Variants in LRBA observed in about 807,000 individuals in gnomAD.
LRBA encodes LPS responsive beige-like anchor protein.
A neutral mutation model predicts 330.0 loss-of-function variants in LRBA; 176 were observed. The observed-to-expected ratio is 0.53, with a 90% CI of 0.47 to 0.60. LRBA has a LOEUF of 0.60. Ranked by LOEUF, LRBA falls within the 20% of genes least tolerant of loss-of-function variation. The pLI is 0.00. For missense variants in LRBA, 3,259 were observed against 3,444.8 expected, an observed-to-expected ratio of 0.95 and a Z score of 1.35; for synonymous variants, 1,230 against 1,193.0, an observed-to-expected ratio of 1.03 and a Z score of -0.64.
chr4:150,445,454 G>A (rs1752513485), intron 44 of LRBA, among the ~76,000 whole-genome samples: 1 of 134,056 alleles, frequency 7.5e-6, no homozygotes, highest in African/African-American at 2.8e-5. Flanking sequence ...TTTGCTCAAC[G>A]CTGAGTTGGG....
chr4:150,837,487 G>C (rs1748307475), intron 28 of LRBA, among the ~76,000 whole-genome samples: 1 of 152,088 alleles, frequency 6.6e-6, no homozygotes, highest in Non-Finnish European at 1.5e-5. Context: ...TCCTGTATTG[G>C]GTGCATATAT....
chr4:150,524,022 G>A (rs1247898583), intron 40 of LRBA, among the ~76,000 whole-genome samples: 2 of 152,272 alleles, frequency 1.3e-5, no homozygotes, highest in South Asian at 4.2e-4. Context: ...TTACTTTAGA[G>A]AATAATGAAG....
At chr4:150,550,420 T>TAA (rs1442658325) in intron 40 of LRBA, among the ~76,000 whole-genome samples, 3 of 152,166 alleles carry the variant, frequency 2.0e-5, no homozygotes, top group Non-Finnish European at 4.4e-5. Flanking sequence ...GCAAGTATCT[T>TAA]AAAAATGATT....
At chr4:150,561,738 T>C (rs751880682) in intron 40 of LRBA, among the ~76,000 whole-genome samples, 1 of 152,212 alleles carries the variant, frequency 6.6e-6, no homozygotes, top group Non-Finnish European at 1.5e-5. Flanking sequence ...CCATTACTTT[T>C]GTGGAAATTT....
intron 2 of LRBA, among the ~76,000 whole-genome samples, chr4:150,987,800 G>A (rs1741629070): frequency 6.6e-6 from 1 of 151,790 alleles, no homozygotes; most frequent in Non-Finnish European, 1.5e-5. Flanking sequence ...TCAGGAGCTC[G>A]AGACCAGCCT....
At chr4:150,286,061 C>T (rs1448324255) in intron 53 of LRBA, 27 bp from the exon 54 acceptor site, 1 of 1,418,192 alleles carries the variant, frequency 7.1e-7, no homozygotes, top group East Asian at 2.5e-5. Context: ...ATAAAAAGAA[C>T]AAATCAATTC....
chr4:150,964,199 G>A (rs1264855003), intron 2 of LRBA, among the ~76,000 whole-genome samples: 3 of 148,082 alleles, frequency 2.0e-5, no homozygotes, highest in Non-Finnish European at 2.9e-5. Context: ...ACCCCATCTG[G>A]GAAGTGAGAA....
At chr4:150,941,320 T>C (rs1276276528) in intron 2 of LRBA, among the ~76,000 whole-genome samples, 1 of 151,948 alleles carries the variant, frequency 6.6e-6, no homozygotes, top group Non-Finnish European at 1.5e-5. Context: ...GCCCAGCTAA[T>C]TTTTGTATTT....
chr4:150,893,921 C>T (rs1018301619), intron 16 of LRBA, among the ~76,000 whole-genome samples: 1 of 152,052 alleles, frequency 6.6e-6, no homozygotes, highest in Non-Finnish European at 1.5e-5. Flanking sequence ...GTGATCCACC[C>T]GCCTTGGCCT....
At chr4:150,380,465 T>C (rs1742040776) in intron 47 of LRBA, among the ~76,000 whole-genome samples, 5 of 152,210 alleles carry the variant, frequency 3.3e-5, no homozygotes, top group South Asian at 4.2e-4. Flanking sequence ...TTCCAGGGCT[T>C]ATTCCAGAAA....
At chr4:150,621,167 T>G (rs1023644577) in intron 37 of LRBA, among the ~76,000 whole-genome samples, 1 of 152,120 alleles carries the variant, frequency 6.6e-6, no homozygotes, top group Non-Finnish European at 1.5e-5. Context: ...GTAAAAGCAA[T>G]TGCATGAAAA....
At chr4:150,781,839 T>C (rs1196611883) in intron 34 of LRBA, among the ~76,000 whole-genome samples, 2 of 152,216 alleles carry the variant, frequency 1.3e-5, no homozygotes, top group Admixed American at 1.3e-4. Context: ...TAGGGACCTC[T>C]ACCCTCCTTA....
intron 36 of LRBA, among the ~76,000 whole-genome samples, chr4:150,728,664 C>A (rs1395834090): frequency 1.4e-5 from 2 of 142,130 alleles, no homozygotes; most frequent in Non-Finnish European, 3.0e-5. Flanking sequence ...TGATAAAAAC[C>A]CTCAAAAAAA....
At position 150,669,896 on chromosome 4, in the gene LRBA, G is replaced by T. The variant is rs745815228; in HGVS notation, c.5921+13655C>A. 5.5e-4 allele frequency among the ~76,000 whole-genome samples: 83 copies of T among 152,222 alleles called. 1 individual carries two copies. The highest frequency in any genetic ancestry group is 1.1e-3 in the Non-Finnish European group (74 of 68,012). Reference sequence around the variant, plus strand: ...TTTCACTTAATTAAATGGAAGATTTGTATTTTTGGCAAGAAGACCATGGAA... The same window carrying T: ...TTTCACTTAATTAAATGGAAGATTTTTATTTTTGGCAAGAAGACCATGGAA... On this transcript the variant is annotated intron_variant, in intron 37 of 56. Transcript: ENST00000651943.
chr4:150,407,832 A>G (rs904268845), intron 47 of LRBA, among the ~76,000 whole-genome samples: 4 of 152,172 alleles, frequency 2.6e-5, no homozygotes, highest in Admixed American at 6.5e-5. Flanking sequence ...AACCACAAGA[A>G]TATTAAGAGA....
intron 36 of LRBA, among the ~76,000 whole-genome samples, chr4:150,689,455 T>TAATA (rs776332195): frequency 1.6e-4 from 24 of 151,222 alleles, no homozygotes; most frequent in South Asian, 4.2e-4. Context: ...ACTTAAAGTA[T>TAATA]AATAAATAAA....
intron 17 of LRBA, among the ~76,000 whole-genome samples, chr4:150,880,851 A>G (rs181177192): frequency 1.9e-4 from 29 of 152,340 alleles, no homozygotes; most frequent in African/African-American, 6.7e-4. Flanking sequence ...ACAAGCTAAA[A>G]ACAATCCCAT....
At chr4:150,656,094 T>C (rs571429080) in intron 37 of LRBA, among the ~76,000 whole-genome samples, 1 of 152,310 alleles carries the variant, frequency 6.6e-6, no homozygotes, top group South Asian at 2.1e-4. Context: ...ACTTCTCTAT[T>C]TTCAAAACGT....
intron 28 of LRBA, among the ~76,000 whole-genome samples, chr4:150,837,101 G>C (rs1748229021): frequency 6.6e-6 from 1 of 152,156 alleles, no homozygotes; most frequent in Non-Finnish European, 1.5e-5. Flanking sequence ...GTAGTTGAGT[G>C]GTTTTGAGTG....
Sources: allele counts gnomAD v4.1 joint callset (sites outside exome capture counted in the v4.1 genomes callset), GRCh38; gene constraint gnomAD v4.1.1; transcripts MANE v1.5; gene names NCBI Gene and HGNC (gene_info 2026-07-23, HGNC 2026-07-21).